The following SHANK2 variants were observed in gnomAD, a reference collection of about 807,000 sequenced individuals.
The protein encoded by SHANK2 is SH3 and multiple ankyrin repeat domains protein 2.
In SHANK2, 43 loss-of-function variants were observed where a neutral mutation model predicts 133.7. That is an observed-to-expected ratio of 0.32 (90% CI 0.25 to 0.41). The LOEUF is 0.41. Ranked by LOEUF, SHANK2 falls within the 10% of genes least tolerant of loss-of-function variation. The pLI is 1.00. For synonymous variants in SHANK2, 1,017 were observed against 952.8 expected, an observed-to-expected ratio of 1.07 and a Z score of -1.24; for missense variants, 1,994 against 2,235.8, an observed-to-expected ratio of 0.89 and a Z score of 2.18.
chr11:70,715,274 G>A (rs1475894368), intron 14 of SHANK2, among the ~76,000 whole-genome samples: 3 of 152,202 alleles, frequency 2.0e-5, no homozygotes, highest in African/African-American at 7.2e-5. Flanking sequence ...CTGTGCCCAG[G>A]GTCACCCAGC....
rs1376794770 is a variant in SHANK2, at chr11:70,798,697, C to T, written c.1664-141G>A. 50 of 629,248 alleles carry T rather than the reference C, an allele frequency of 7.9e-5. No individual in the cohort carries two copies. The East Asian group carries it at 1.4e-3, about 17-fold the overall frequency. 39.0% of individuals were successfully genotyped at this position (629,248 alleles called of 1,614,324 possible). ...TGCAGAGCAAGCGGCTCTGGTGTGA[C>T]TGCACTTCCTTCAGCTGCTGACAGT... On this transcript the variant is annotated intron_variant, in intron 13 of 25. Transcript: ENST00000601538.
At chr11:71,236,265 T>C (rs1438302907) in intron 1 of SHANK2, among the ~76,000 whole-genome samples, 4 of 152,202 alleles carry the variant, frequency 2.6e-5, no homozygotes, top group African/African-American at 7.2e-5. Context: ...TAAAAATGCA[T>C]TATGCCTCCT....
intron 15 of SHANK2, among the ~76,000 whole-genome samples, chr11:70,677,960 C>T (rs1215529367): frequency 6.6e-6 from 1 of 152,204 alleles, no homozygotes; most frequent in Non-Finnish European, 1.5e-5. Context: ...CTGGCATCCT[C>T]ACTGCCATTT....
chr11:70,875,477 T>C (rs1162338878), intron 11 of SHANK2, among the ~76,000 whole-genome samples: 1 of 151,756 alleles, frequency 6.6e-6, no homozygotes, highest in African/African-American at 2.4e-5. Context: ...TGAGCCGAGA[T>C]TGCGCCACTG....
At chr11:71,128,942 G>A (rs1489032989) in intron 3 of SHANK2, among the ~76,000 whole-genome samples, 9 of 152,230 alleles carry the variant, frequency 5.9e-5, no homozygotes, top group African/African-American at 1.9e-4. Flanking sequence ...CCACCACCAC[G>A]CCCGGCTAAT....
chr11:70,513,525 A>G lies in SHANK2; in HGVS notation c.2062-10594T>C, dbSNP rs116655091. On this transcript the variant is annotated intron_variant, in intron 17 of 25. Transcript: ENST00000601538. ...TAATATAATCCAGAGTTGCCAAAGC[A>G]TAACATTCACGAAATTTGGGATACA... Among the ~76,000 whole-genome samples the G allele has an allele frequency of 5.6e-3, 851 of 152,374 alleles. 4 individuals carry two copies. The highest frequency in any genetic ancestry group is 0.02 in the African/African-American group (821 of 41,590).
intron 18 of SHANK2, 26 bp downstream of exon 18, chr11:70,502,770 G>A (rs782677821): frequency 2.0e-6 from 3 of 1,467,344 alleles, no homozygotes; most frequent in Admixed American, 1.9e-5. Flanking sequence ...GCCCCAGGCT[G>A]GAGCTGGGCG....
chr11:70,493,619 C>T (rs552162595), intron 21 of SHANK2, among the ~76,000 whole-genome samples: 4 of 152,234 alleles, frequency 2.6e-5, no homozygotes, highest in Admixed American at 6.5e-5. Context: ...GAGAGCTGGT[C>T]TTCCAGTCGC....
chr11:70,890,058 T>G lies in SHANK2; in HGVS notation c.1174+6443A>C, dbSNP rs1358902894. On this transcript the variant is annotated intron_variant, in intron 11 of 25. Coordinates refer to ENST00000601538, the MANE Select transcript of SHANK2 (RefSeq NM_012309.5). ...TAGGAAGGGTGCACAGGATCCACCA[T>G]CCTTCAAACATCACTTTTAGATCTG... is the stretch of plus-strand genomic sequence containing the variant. 2.6e-5 allele frequency among the ~76,000 whole-genome samples: 4 copies of G among 152,158 alleles called. No individual in the cohort carries two copies. In the East Asian group the frequency reaches 7.7e-4, roughly 29 times the overall value.
At chr11:70,874,218 A>C (rs1323760218) in intron 11 of SHANK2, among the ~76,000 whole-genome samples, 1 of 152,088 alleles carries the variant, frequency 6.6e-6, no homozygotes, top group Non-Finnish European at 1.5e-5. Context: ...TATATACTCC[A>C]TCTATCTATC....
chr11:71,082,005 C>T (rs1290800621), intron 8 of SHANK2, among the ~76,000 whole-genome samples: 1 of 152,202 alleles, frequency 6.6e-6, no homozygotes, highest in Non-Finnish European at 1.5e-5. Flanking sequence ...CACAGTGAGG[C>T]TCGGTCCCAG....
intron 17 of SHANK2, among the ~76,000 whole-genome samples, chr11:70,558,653 T>C (rs1014936612): frequency 1.3e-5 from 2 of 151,972 alleles, no homozygotes. Flanking sequence ...CAGGGCCTGA[T>C]GCACCTTGGG....
chr11:70,734,203 G>A (rs980150852), intron 14 of SHANK2, among the ~76,000 whole-genome samples: 2 of 152,212 alleles, frequency 1.3e-5, no homozygotes, highest in South Asian at 2.1e-4. Flanking sequence ...CAAGGGTGTG[G>A]AGGCCCTTCC....
intron 9 of SHANK2, among the ~76,000 whole-genome samples, chr11:71,065,996 A>G (rs1479022831): frequency 3.3e-3 from 83 of 25,044 alleles, no homozygotes; most frequent in East Asian, 7.2e-3. Context: ...GGAGGGGAGT[A>G]CAGAACTCTC....
chr11:71,190,419 T>C (rs1347096799), intron 2 of SHANK2, among the ~76,000 whole-genome samples: 1 of 152,176 alleles, frequency 6.6e-6, no homozygotes, highest in Non-Finnish European at 1.5e-5. Context: ...CCCTTAAGCA[T>C]CTCGGTACCC....
chr11:70,670,013 G>A (rs1026598875), intron 15 of SHANK2, among the ~76,000 whole-genome samples: 7 of 152,220 alleles, frequency 4.6e-5, no homozygotes, highest in Non-Finnish European at 7.3e-5. Context: ...AGACCCAGGC[G>A]GGGACCGCTG....
chr11:70,687,448 G>A (rs1473226421), intron 15 of SHANK2, among the ~76,000 whole-genome samples: 4 of 152,238 alleles, frequency 2.6e-5, no homozygotes, highest in East Asian at 3.8e-4. Flanking sequence ...GACTGTGGGC[G>A]CCTCTTTCCA....
At chr11:70,791,771 C>T in intron 14 of SHANK2, among the ~76,000 whole-genome samples, 1 of 152,186 alleles carries the variant, frequency 6.6e-6, no homozygotes, top group East Asian at 1.9e-4. Context: ...GCTCAAGCAT[C>T]AGTAGTTACA....
At chr11:70,648,590 C>G (rs2061299838) in intron 17 of SHANK2, among the ~76,000 whole-genome samples, 1 of 152,186 alleles carries the variant, frequency 6.6e-6, no homozygotes, top group Non-Finnish European at 1.5e-5. Flanking sequence ...TTTCCTAGGA[C>G]CAGGGGTACA....
Sources: gnomAD v4.1 joint callset for allele counts (sites outside exome capture counted in the v4.1 genomes callset) on GRCh38, gnomAD v4.1.1 for gene constraint, MANE v1.5 for transcripts, NCBI Gene and HGNC (gene_info 2026-07-23, HGNC 2026-07-21) for gene names.